Variants in GOLT1B observed in about 807,000 individuals in gnomAD.
GOLT1B encodes golgi transport 1B, also known as vesicle transport protein GOT1B.
In GOLT1B, 3 loss-of-function variants were observed where a neutral mutation model predicts 15.4. That is an observed-to-expected ratio of 0.19 (90% CI 0.09 to 0.50). The LOEUF is 0.50. GOLT1B is among the 20% of genes least tolerant of loss of function. The pLI is 0.97. For missense variants in GOLT1B, 145 were observed against 160.4 expected, an observed-to-expected ratio of 0.90 and a Z score of 0.52; for synonymous variants, 65 against 56.2, an observed-to-expected ratio of 1.16 and a Z score of -0.70.
rs1288800231 is a variant in GOLT1B at position 21,506,922 on chromosome 12, CCTGTTCTTTGGAATGATTCTCTTTTTTGA to C, written c.65_93del (p.Leu22GlnfsTer33). ...GATTAACAGGATTTGGAGTGTTTTT[CCTGTTCTTTGGAATGATTCTCTTTTTTGA>C]CAAAGCACTACTGGCTATTGGAAAT... is the stretch of plus-strand genomic sequence containing the variant. On this transcript the variant is annotated frameshift_variant, in exon 2 of 5. Coordinates refer to ENST00000229314, the MANE Select transcript of GOLT1B (RefSeq NM_016072.5). LOFTEE classifies it high-confidence loss of function. 1 of 1,515,362 alleles carries C rather than the reference CCTGTTCTTTGGAATGATTCTCTTTTTTGA, an allele frequency of 6.6e-7. No homozygotes were observed. Among genetic ancestry groups the C allele is most frequent in the East Asian group, 2.3e-5 (1 of 43,928 alleles). The allele number at this position is 1,515,362 out of a possible 1,614,324, so 93.9% of individuals were successfully genotyped here. A position where few individuals can be genotyped will look rare whatever the true frequency, so the allele number is the denominator to read the frequency against.
In GOLT1B at chr12:21,518,242, C is replaced by T. The variant is rs1334105438; in HGVS notation, c.*2535C>T. ...ATAACCTCATTTTTAAAAAATTAGCCTTATATGCAGTGTTCTATTTATCAA... is the reference window on the plus strand; with the variant it reads ...ATAACCTCATTTTTAAAAAATTAGCTTTATATGCAGTGTTCTATTTATCAA... On this transcript the variant is annotated 3_prime_UTR_variant, in exon 5 of 5. Coordinates refer to ENST00000229314, the MANE Select transcript of GOLT1B (RefSeq NM_016072.5). 1 of 152,044 alleles carries T rather than the reference C, an allele frequency of 6.6e-6. No homozygotes were observed. The highest frequency in any genetic ancestry group is 1.5e-5 in the Non-Finnish European group (1 of 67,964). The allele number at this position is 152,044 out of a possible 1,614,324, so 9.4% of individuals were successfully genotyped here.
chr12:21,508,947 T>TA (rs907394434), intron 3 of GOLT1B, among the ~76,000 whole-genome samples: 95 of 150,988 alleles, frequency 6.3e-4, no homozygotes, highest in African/African-American at 2.2e-3. Context: ...TGTAGAATCT[T>TA]ATACTTCATA....
rs1235325221 is a variant in GOLT1B at position 21,516,485 on chromosome 12, C to T, written c.*778C>T. 6.6e-6 allele frequency: 1 copy of T among 151,974 alleles called. No homozygotes were observed. The highest frequency in any genetic ancestry group is 1.5e-5 in the Non-Finnish European group (1 of 67,914). The allele number at this position is 151,974 out of a possible 1,614,324, so 9.4% of individuals were successfully genotyped here. A position where few individuals can be genotyped will look rare whatever the true frequency, so the allele number is the denominator to read the frequency against. ...GTATTTAACAAAAAAGCATTCTTGA[C>T]CATGAATGAAGTAGTTTGTTTCATA... On this transcript the variant is annotated 3_prime_UTR_variant, in exon 5 of 5. Transcript: ENST00000229314.
intron 4 of GOLT1B, chr12:21,515,355 G>A: frequency 1.5e-6 from 1 of 681,892 alleles, no homozygotes; most frequent in Non-Finnish European, 2.5e-6. Context: ...TTTATTTTTT[G>A]TTAAGCTAGC....
intron 1 of GOLT1B, among the ~76,000 whole-genome samples, chr12:21,506,445 A>G (rs936421656): frequency 6.6e-6 from 1 of 152,054 alleles, no homozygotes; most frequent in Non-Finnish European, 1.5e-5. Flanking sequence ...AGAAGGAATC[A>G]ATTTTAAGAG....
At chr12:21,507,129 T>A (rs1378902607) in intron 2 of GOLT1B, 153 bp downstream of exon 2, 2 of 663,274 alleles carry the variant, frequency 3.0e-6, no homozygotes, top group African/African-American at 3.6e-5. Flanking sequence ...ATGAAACCTG[T>A]CAGCTTTCTG....
In GOLT1B at chr12:21,515,656, C is replaced by G. The variant is rs775512604; in HGVS notation, c.379-13C>G. On this transcript the variant is annotated splice_polypyrimidine_tract_variant and intron_variant, in intron 4 of 4. Transcript: ENST00000229314. ...GGGCTTTCTTTAATTCTCTGTTTTT[C>G]TTCTCCTTACAGTTTGTAGATAAAG... The G allele has an allele frequency of 3.1e-6, 4 of 1,301,556 alleles. No individual in the cohort carries two copies. The highest frequency in any genetic ancestry group is 4.4e-6 in the Non-Finnish European group (4 of 910,790). 80.6% of individuals were successfully genotyped at this position (1,301,556 alleles called of 1,614,324 possible).
intron 2 of GOLT1B, among the ~76,000 whole-genome samples, chr12:21,507,528 G>GTA (rs1052255617): frequency 2.1e-5 from 3 of 145,956 alleles, no homozygotes; most frequent in Admixed American, 6.7e-5. Flanking sequence ...GTGTGTGTGT[G>GTA]TATATATATA....
rs932122755 is a variant in GOLT1B, at chr12:21,512,939, G to A, written c.378+563G>A. Among the ~76,000 whole-genome samples, 4 of 152,144 alleles carry A rather than the reference G, an allele frequency of 2.6e-5. No homozygotes were observed. In the East Asian group the frequency reaches 7.8e-4, roughly 30 times the overall value. ...AAAAATTAGCTGGGTGTGATGGTAT[G>A]CCTATAGTCCCAGCTACTCGAGAGA... On this transcript the variant is annotated intron_variant, in intron 4 of 4. Transcript: ENST00000229314.
chr12:21,513,077 A>G (rs1943731756), intron 4 of GOLT1B, among the ~76,000 whole-genome samples: 1 of 150,498 alleles, frequency 6.6e-6, no homozygotes, highest in African/African-American at 2.4e-5. Flanking sequence ...TCTCAAAAAA[A>G]AAAAAAAAAA....
intron 1 of GOLT1B, among the ~76,000 whole-genome samples, chr12:21,502,247 A>C (rs1168692635): frequency 6.6e-6 from 1 of 152,122 alleles, no homozygotes; most frequent in African/African-American, 2.4e-5. Flanking sequence ...CCTCATCCCC[A>C]GTGAGATGGG....
At chr12:21,509,312 T>C (rs1162959835) in intron 3 of GOLT1B, among the ~76,000 whole-genome samples, 2 of 136,692 alleles carry the variant, frequency 1.5e-5, no homozygotes, top group African/African-American at 5.4e-5. Flanking sequence ...GGCAGGCGAA[T>C]TGTTTGAACC....
intron 4 of GOLT1B, among the ~76,000 whole-genome samples, chr12:21,514,202 T>C (rs1297339545): frequency 6.6e-6 from 1 of 152,258 alleles, no homozygotes; most frequent in Non-Finnish European, 1.5e-5. Flanking sequence ...GATCCAACTC[T>C]GTCCTAAATA....
chr12:21,510,781 T>A (rs1322768868), intron 3 of GOLT1B, among the ~76,000 whole-genome samples: 2 of 152,242 alleles, frequency 1.3e-5, no homozygotes, highest in Non-Finnish European at 1.5e-5. Context: ...AAAATTCTGC[T>A]TTCTGTTTAA....
chr12:21,507,031 A>G (rs1669300162), intron 2 of GOLT1B, 55 bp downstream of exon 2: 4 of 731,448 alleles, frequency 5.5e-6, no homozygotes, highest in South Asian at 3.2e-5. Flanking sequence ...TTAACTACGA[A>G]TGAATTATTA....
intron 4 of GOLT1B, among the ~76,000 whole-genome samples, chr12:21,515,423 C>T (rs1331942350): frequency 1.3e-5 from 2 of 151,622 alleles, no homozygotes; most frequent in African/African-American, 4.8e-5. Flanking sequence ...TTTCATGTTG[C>T]ACCCTTAAAT....
chr12:21,514,605 A>T (rs1352773294), intron 4 of GOLT1B, among the ~76,000 whole-genome samples: 1 of 152,228 alleles, frequency 6.6e-6, no homozygotes, highest in African/African-American at 2.4e-5. Context: ...TTGTGATAAT[A>T]TAACAAAATG....
intron 1 of GOLT1B, among the ~76,000 whole-genome samples, chr12:21,502,950 T>G (rs1225263332): frequency 1.3e-5 from 2 of 152,328 alleles, no homozygotes; most frequent in Admixed American, 1.3e-4. Context: ...TATTTTAAAG[T>G]GGAGTCTTCT....
At chr12:21,513,307 A>G (rs1943733349) in intron 4 of GOLT1B, among the ~76,000 whole-genome samples, 1 of 152,114 alleles carries the variant, frequency 6.6e-6, no homozygotes, top group Non-Finnish European at 1.5e-5. Context: ...TATTCATTCA[A>G]CAAATGTTTC....
Sources: gnomAD v4.1 joint callset for allele counts (sites outside exome capture counted in the v4.1 genomes callset) on GRCh38, gnomAD v4.1.1 for gene constraint, MANE v1.5 for transcripts, NCBI Gene and HGNC (gene_info 2026-07-23, HGNC 2026-07-21) for gene names.